The following CNBD2 variants were observed in gnomAD, a reference collection of about 807,000 sequenced individuals.
CNBD2 encodes cyclic nucleotide-binding domain-containing protein 2.
Under a neutral mutation model 63.7 loss-of-function variants are expected in CNBD2, and 64 were observed. The ratio of observed to expected loss-of-function variants is 1.00; its 90% CI spans 0.82 to 1.24. The LOEUF (loss-of-function observed/expected upper bound fraction) is 1.24. CNBD2 is among the 50% of genes most tolerant of loss of function. The pLI is 0.00. For synonymous variants in CNBD2, 229 were observed against 255.4 expected (o/e 0.90, Z 0.99); for missense variants, 691 against 713.5 (o/e 0.97, Z 0.36).
intron 2 of CNBD2, among the ~76,000 whole-genome samples, chr20:35,961,113 T>A (rs2056306148): frequency 6.6e-6 from 1 of 152,102 alleles, no homozygotes; most frequent in African/African-American, 2.4e-5. Context: ...GTATTTTTAG[T>A]AGAGACAGAT....
At chr20:36,001,797 T>G (rs1601070484) in intron 8 of CNBD2, among the ~76,000 whole-genome samples, 2 of 118,510 alleles carry the variant, frequency 1.7e-5, no homozygotes, top group African/African-American at 3.3e-5. Context: ...TCTCAGACGA[T>G]GGGCGGCCGG....
At chr20:36,004,175 G>T (rs1040933289) in intron 8 of CNBD2, among the ~76,000 whole-genome samples, 4 of 152,154 alleles carry the variant, frequency 2.6e-5, no homozygotes, top group Non-Finnish European at 5.9e-5. Flanking sequence ...CTTAATGGGA[G>T]GGTATTACAC....
intron 11 of CNBD2, among the ~76,000 whole-genome samples, chr20:36,029,807 C>T (rs2057322884): frequency 6.6e-6 from 1 of 152,016 alleles, no homozygotes; most frequent in African/African-American, 2.4e-5. Flanking sequence ...AGCTTTATAC[C>T]ACCTTGCCTT....
intron 10 of CNBD2, among the ~76,000 whole-genome samples, chr20:36,014,968 A>G (rs978741388): frequency 2.0e-5 from 3 of 152,030 alleles, no homozygotes; most frequent in African/African-American, 7.3e-5. Flanking sequence ...GTACTAATTT[A>G]TATTCCCACC....
chr20:36,029,921 C>T (rs1367722817), intron 11 of CNBD2, among the ~76,000 whole-genome samples: 1 of 152,192 alleles, frequency 6.6e-6, no homozygotes, highest in Admixed American at 6.5e-5. Context: ...CAGTCCAAGG[C>T]AGCCACCAGT....
chr20:35,980,724 T>C, intron 4 of CNBD2, 102 bp downstream of exon 4: 1 of 1,069,464 alleles, frequency 9.4e-7, no homozygotes, highest in African/African-American at 1.6e-5. Flanking sequence ...CTCTGCATAA[T>C]GTCAGCCATG....
Position 35,983,928 on chromosome 20 carries a change from C to T in CNBD2, c.408-54C>T, listed in dbSNP as rs1358816369. ...ACAACCAGTCCAGAGCTCCTCTCAG[C>T]TTGGACCTGCCCCCATGTCACTACC... is the stretch of plus-strand genomic sequence containing the variant. On this transcript the variant is annotated intron_variant, in intron 4 of 11. Transcript: ENST00000373973. The T allele has an allele frequency of 3.7e-6, 6 of 1,608,148 alleles. No homozygotes were observed. In the East Asian group the frequency reaches 8.9e-5, roughly 24 times the overall value.
downstream of CNBD2, among the ~76,000 whole-genome samples, chr20:35,957,386 A>G (rs949714548): frequency 2.0e-5 from 3 of 152,186 alleles, no homozygotes; most frequent in East Asian, 3.9e-4. Context: ...CAGGAGTTCA[A>G]GACCAGCCTG....
At chr20:35,983,860 CT>C in intron 4 of CNBD2, 121 bp from the exon 5 acceptor site, 1 of 1,145,512 alleles carries the variant, frequency 8.7e-7, no homozygotes, top group Non-Finnish European at 1.3e-6. Context: ...CCTGAGGGCC[CT>C]TCTGGTCCAA....
At chr20:35,956,319 T>C (rs1381498611), downstream of CNBD2, among the ~76,000 whole-genome samples, 1 of 152,080 alleles carries the variant, frequency 6.6e-6, no homozygotes, top group African/African-American at 2.4e-5. Flanking sequence ...CATGTAAAAA[T>C]TGGGAGATTT....
At chr20:36,001,450 G>A (rs2056900759) in intron 8 of CNBD2, among the ~76,000 whole-genome samples, 1 of 151,394 alleles carries the variant, frequency 6.6e-6, no homozygotes, top group African/African-American at 2.4e-5. Context: ...GCCGGGCAGA[G>A]GCGCCCCTCA....
exon 1 of CNBD2, chr20:35,955,349 TA>T (rs1479031756): frequency 6.6e-6 from 1 of 152,214 alleles, no homozygotes; most frequent in Non-Finnish European, 1.5e-5. Flanking sequence ...TTGGGTCAAA[TA>T]AAAATGTTAT....
intron 7 of CNBD2, among the ~76,000 whole-genome samples, chr20:35,990,410 C>A (rs768499945): frequency 1.3e-5 from 2 of 152,196 alleles, no homozygotes; most frequent in Middle Eastern, 3.2e-3. Context: ...ATGGATGGAT[C>A]ACTTGAGGTC....
At chr20:35,958,334 A>G (rs907665069), downstream of CNBD2, among the ~76,000 whole-genome samples, 2 of 152,198 alleles carry the variant, frequency 1.3e-5, no homozygotes, top group African/African-American at 4.8e-5. Context: ...TGGGAGGCTG[A>G]GGCAGAAGAA....
chr20:35,954,553 C>T, upstream of CNBD2: 3 of 1,493,882 alleles, frequency 2.0e-6, no homozygotes, highest in East Asian at 2.8e-5. Flanking sequence ...CTCCCGGAAG[C>T]GGCGCCCTCT....
At chr20:35,995,409 C>T (rs537571918) in intron 8 of CNBD2, among the ~76,000 whole-genome samples, 1 of 152,114 alleles carries the variant, frequency 6.6e-6, no homozygotes, top group Admixed American at 6.6e-5. Context: ...TATCCCCCAC[C>T]CTTTTTTTCA....
intron 10 of CNBD2, among the ~76,000 whole-genome samples, chr20:36,015,835 T>G (rs1486834731): frequency 2.6e-5 from 4 of 152,228 alleles, no homozygotes; most frequent in Non-Finnish European, 5.9e-5. Flanking sequence ...AGAATAAATT[T>G]CAAGCAATTT....
intron 8 of CNBD2, among the ~76,000 whole-genome samples, chr20:35,999,593 T>C (rs2056869337): frequency 6.6e-6 from 1 of 152,180 alleles, no homozygotes; most frequent in South Asian, 2.1e-4. Flanking sequence ...CTCCTAGATA[T>C]TATGCTATTG....
rs1158036757 is a variant in CNBD2 at position 35,954,928 on chromosome 20, C to CAGAA, written c.*146_*147insGAAA. On this transcript the variant is annotated 3_prime_UTR_variant, in exon 1 of 1. Coordinates refer to the CNBD2 transcript ENST00000614708. ...GGCGACCATTCTCTCGGGAGGGGCC[C>CAGAA]ATCTGGAGAAAGTCCTCTCGCTTGG... 1.5e-4 allele frequency: 35 copies of CAGAA among 236,782 alleles called. No homozygotes were observed. The South Asian group carries it at 1.6e-3, about 11-fold the overall frequency. The allele number at this position is 236,782 out of a possible 1,614,324, so 14.7% of individuals were successfully genotyped here. A position where few individuals can be genotyped will look rare whatever the true frequency, so the allele number is the denominator to read the frequency against.
Sources: allele counts gnomAD v4.1 joint callset (sites outside exome capture counted in the v4.1 genomes callset), GRCh38; gene constraint gnomAD v4.1.1; transcripts MANE v1.5; gene names NCBI Gene and HGNC (gene_info 2026-07-23, HGNC 2026-07-21).